METTL2B: variants seen among roughly 807,000 people sequenced by gnomAD.
METTL2B encodes methyltransferase 2B, tRNA N3-cytidine.
Under a neutral mutation model 51.0 loss-of-function variants are expected in METTL2B, and 28 were observed. The observed-to-expected ratio is 0.55, with a 90% CI of 0.41 to 0.75. The LOEUF (loss-of-function observed/expected upper bound fraction) is 0.75. Among genes scored for constraint, METTL2B ranks in the 30% least tolerant of loss-of-function variants. The pLI is 0.00. For missense variants in METTL2B, 313 were observed against 460.7 expected (o/e 0.68, Z 2.93); for synonymous variants, 128 against 166.3 (o/e 0.77, Z 1.77).
rs1290257632 is a variant in METTL2B at position 128,497,726 on chromosome 7, G to A, written c.810-310G>A. Among the ~76,000 whole-genome samples the A allele has an allele frequency of 6.0e-5, 9 of 150,092 alleles. No homozygotes were observed. The Middle Eastern group carries it at 0.014, about 227-fold the overall frequency. On this transcript the variant is annotated intron_variant, in intron 6 of 8. Transcript: ENST00000262432. ...TCAAACTCCTGACCTCATTTGATCC[G>A]CCTGCCTCAGCCTCCCAAAATGGTG...
intron 5 of METTL2B, chr7:128,488,514 G>A (rs1300263040): frequency 6.2e-6 from 3 of 482,728 alleles, no homozygotes; most frequent in Non-Finnish European, 1.3e-5. Context: ...AGTGTGTGAC[G>A]TTACTGTTGT....
rs186595572 is a variant in METTL2B at position 128,480,436 on chromosome 7, G to A, written c.559-211G>A. On this transcript the variant is annotated intron_variant, in intron 3 of 8. Transcript: ENST00000262432. The stretch of plus-strand genomic sequence containing the variant: ...CTTTTTTCTAGACCACCTCGTTTCT[G>A]CTAATAAAAACCCATGTTCTTGTCT... 2.7e-3 allele frequency among the ~76,000 whole-genome samples: 405 copies of A among 152,254 alleles called. 1 individual carries two copies. Among genetic ancestry groups the A allele is most frequent in the Non-Finnish European group, 4.6e-3 (314 of 68,024 alleles).
chr7:128,496,578 A>G (rs1218825051), intron 6 of METTL2B, among the ~76,000 whole-genome samples: 1 of 152,142 alleles, frequency 6.6e-6, no homozygotes, highest in Admixed American at 6.6e-5. Context: ...AGAAGTTTCA[A>G]TGCTACAAAC....
At chr7:128,493,256 A>G (rs1286764346) in intron 5 of METTL2B, among the ~76,000 whole-genome samples, 1 of 150,702 alleles carries the variant, frequency 6.6e-6, no homozygotes, top group South Asian at 2.1e-4. Flanking sequence ...CTTATTGCCC[A>G]GGCTGGAGTG....
intron 4 of METTL2B, among the ~76,000 whole-genome samples, chr7:128,486,640 G>A (rs927718949): frequency 3.3e-5 from 5 of 151,724 alleles, no homozygotes; most frequent in Non-Finnish European, 5.9e-5. Context: ...AGAAAACAAC[G>A]CTTGCCAGGC....
intron 4 of METTL2B, among the ~76,000 whole-genome samples, chr7:128,484,566 G>GT (rs1250384810): frequency 6.6e-6 from 1 of 151,898 alleles, no homozygotes; most frequent in Non-Finnish European, 1.5e-5. Flanking sequence ...TAATACAGTG[G>GT]TTTTTTTGTT....
intron 7 of METTL2B, among the ~76,000 whole-genome samples, chr7:128,500,190 A>C (rs1793003486): frequency 6.6e-6 from 1 of 152,202 alleles, no homozygotes; most frequent in Non-Finnish European, 1.5e-5. Context: ...AAGGGAAAGC[A>C]TGTTCATGAT....
chr7:128,477,241 G>A, intron 2 of METTL2B, 68 bp downstream of exon 2: 4 of 1,599,874 alleles, frequency 2.5e-6, no homozygotes, highest in Non-Finnish European at 3.4e-6. Flanking sequence ...TCCCGGAGAG[G>A]CCAGGGAACC....
At chr7:128,485,357 A>G (rs567856100) in intron 4 of METTL2B, among the ~76,000 whole-genome samples, 1 of 152,162 alleles carries the variant, frequency 6.6e-6, no homozygotes, top group African/African-American at 2.4e-5. Flanking sequence ...ACATAGTGAG[A>G]CCCCGTCTCT....
chr7:128,497,465 C>T (rs1258554647), intron 6 of METTL2B, among the ~76,000 whole-genome samples: 1 of 152,096 alleles, frequency 6.6e-6, no homozygotes, highest in Non-Finnish European at 1.5e-5. Context: ...AGATGGAGAG[C>T]AGAGAACTGT....
rs1217904465 is a variant in METTL2B at position 128,479,339 on chromosome 7, C to G, written c.384C>G (p.Asn128Lys). The G allele has an allele frequency of 6.2e-7, 1 of 1,614,082 alleles. No homozygotes were observed. The highest frequency in any genetic ancestry group is 1.3e-5 in the African/African-American group (1 of 74,920). Residue 128 changes from asparagine to lysine, a missense_variant, in exon 3 of 9, where the codon AAC becomes AAG. Physicochemically the swap from Asn to Lys is moderately conservative, Grantham distance 94. Around this residue, in one of 4 missense-constraint regions of METTL2B, gnomAD observed 67 missense variants for 101.4 expected, o/e 0.66. Coordinates refer to ENST00000262432, the MANE Select transcript of METTL2B (RefSeq NM_018396.3). ...ENKSEVCECR[N>K]NEDGPGLIME... is the part of the protein sequence containing the mutation. ...AGAGTGAAGTATGTGAATGTAGAAA[C>G]AATGAGGATGGACCTGGTTTAATAA...
At chr7:128,498,307 G>A (rs1792962145) in intron 7 of METTL2B, among the ~76,000 whole-genome samples, 165 bp downstream of exon 7, 1 of 149,964 alleles carries the variant, frequency 6.7e-6, no homozygotes, top group African/African-American at 2.4e-5. Context: ...ACACATGGAC[G>A]CGGGGTGGGG....
rs781148640 is a variant in METTL2B at position 128,493,872 on chromosome 7, T to C, written c.738T>C (p.Ser246=). The C allele has an allele frequency of 1.2e-6, 2 of 1,612,880 alleles. No homozygotes were observed. The highest frequency in any genetic ancestry group is 2.2e-5 in the South Asian group (2 of 90,904). Residue 246 remains serine (S), a synonymous_variant, in exon 6 of 9, where the codon AGT becomes AGC. Transcript: ENST00000262432. ...FVHDLCDEEK[S]YPVPKGSLDI... ...ACGACCTGTGTGATGAAGAGAAGAG[T>C]TACCCAGTGCCCAAGGGCAGTCTTG...
rs188460103 is a variant in METTL2B, at chr7:128,505,075, C to T, written c.*3159C>T. ...TGGCGCCATTGCACTCCAGCCTGGG[C>T]AACAAGAGTGAAACTCCGTCTCAAA... On this transcript the variant is annotated 3_prime_UTR_variant, in exon 9 of 9. Coordinates refer to ENST00000262432, the MANE Select transcript of METTL2B (RefSeq NM_018396.3). The T allele has an allele frequency of 0.02, 2,331 of 118,172 alleles. 32 individuals carry two copies. Among genetic ancestry groups the T allele is most frequent in the Non-Finnish European group, 0.028 (1,641 of 59,350 alleles). The allele number at this position is 118,172 out of a possible 1,614,324, so 7.3% of individuals were successfully genotyped here. A position where few individuals can be genotyped will look rare whatever the true frequency, so the allele number is the denominator to read the frequency against.
intron 4 of METTL2B, among the ~76,000 whole-genome samples, chr7:128,485,732 G>A (rs559872417): frequency 6.6e-6 from 1 of 151,728 alleles, no homozygotes; most frequent in East Asian, 1.9e-4. Context: ...TTTGGAGGCT[G>A]AGGCCAGAGG....
chr7:128,484,235 T>TTTTTTTTG (rs1792657037), intron 4 of METTL2B: 5 of 112,182 alleles, frequency 4.5e-5, no homozygotes, highest in South Asian at 3.4e-4. Flanking sequence ...TTTTTTTTTT[T>TTTTTTTTG]TTTTTTTTTT....
At position 128,498,077 on chromosome 7, in the gene METTL2B, C is replaced by G. The variant is rs1563031122; in HGVS notation, c.851C>G (p.Pro284Arg). The stretch of plus-strand genomic sequence containing the variant: ...AACAGGCTGAGCAGGCTTCTGAAAC[C>G]TGGGGGGATGGTACTTCTGCGAGAT... ...AINRLSRLLKPGGMVLLRDYG... is the reference protein window; with the variant it reads ...AINRLSRLLKRGGMVLLRDYG... The change falls in exon 7 of 9, where the codon CCT (proline) becomes CGT (arginine). Residue 284 changes from proline (P) to arginine (R), a missense_variant. Coordinates refer to ENST00000262432, the MANE Select transcript of METTL2B (RefSeq NM_018396.3). 6.2e-7 allele frequency: 1 copy of G among 1,613,826 alleles called. No homozygotes were observed.
intron 4 of METTL2B, among the ~76,000 whole-genome samples, chr7:128,485,950 AGACTTGAGCTG>A (rs1455191999): frequency 9.9e-5 from 15 of 152,194 alleles, no homozygotes; most frequent in Admixed American, 3.3e-4. Context: ...ATTGTGTAAG[AGACTTGAGCTG>A]GATACCAAGG....
Position 128,497,481 on chromosome 7 carries a change from G to T in METTL2B, c.810-555G>T, listed in dbSNP as rs568079978. ...GATGGAGAGCAGAGAACTGTTGTTT[G>T]TTTGTTTGTTCTTTGGAGATGGAGT... is the stretch of plus-strand genomic sequence containing the variant. On this transcript the variant is annotated intron_variant, in intron 6 of 8. Transcript: ENST00000262432. Among the ~76,000 whole-genome samples the T allele has an allele frequency of 8.5e-5, 13 of 152,254 alleles. 1 individual carries two copies. The East Asian group carries it at 1.5e-3, about 18-fold the overall frequency.
Sources: gnomAD v4.1 joint callset for allele counts (sites outside exome capture counted in the v4.1 genomes callset) on GRCh38, gnomAD v4.1.1 for gene constraint, gnomAD v4.1.1 regional missense constraint, MANE v1.5 for transcripts, NCBI Gene and HGNC (gene_info 2026-07-23, HGNC 2026-07-21) for gene names.